Variants in TNRC6A observed in about 807,000 individuals in gnomAD.
The protein encoded by TNRC6A is trinucleotide repeat containing adaptor 6A.
Under a neutral mutation model 221.2 loss-of-function variants are expected in TNRC6A, and 44 were observed. That is an observed-to-expected ratio of 0.20 (90% CI 0.16 to 0.26). The LOEUF is 0.26. Among genes scored for constraint, TNRC6A ranks in the 10% least tolerant of loss-of-function variants. The probability of loss-of-function intolerance (pLI) is 1.00; values close to 1 mark genes in which losing one functional copy is unlikely to be tolerated. For missense variants in TNRC6A, 2,199 were observed against 2,404.4 expected, an observed-to-expected ratio of 0.91 and a Z score of 1.79; for synonymous variants, 847 against 838.5, an observed-to-expected ratio of 1.01 and a Z score of -0.18.
intron 2 of TNRC6A, among the ~76,000 whole-genome samples, chr16:24,698,063 C>A (rs2055897777): frequency 6.6e-6 from 1 of 151,122 alleles, no homozygotes; most frequent in African/African-American, 2.4e-5. Flanking sequence ...CACTGTAGCT[C>A]ATGCCTATAA....
chr16:24,679,407 G>A (rs1040055816), intron 2 of TNRC6A, among the ~76,000 whole-genome samples: 19 of 152,138 alleles, frequency 1.2e-4, no homozygotes, highest in Middle Eastern at 3.4e-3. Context: ...GGGCTCAAGC[G>A]ATCTTCCCAC....
chr16:24,624,053 C>T (rs755235515), intron 1 of TNRC6A, among the ~76,000 whole-genome samples: 2 of 152,048 alleles, frequency 1.3e-5, no homozygotes, highest in Non-Finnish European at 2.9e-5. Flanking sequence ...AGGTCACATA[C>T]GCGGCTCTGC....
chr16:24,819,708 CCTTT>C, intron 21 of TNRC6A: 48 of 214,494 alleles, frequency 2.2e-4, no homozygotes, highest in South Asian at 7.3e-4. Context: ...GTGAAGATCT[CCTTT>C]GGCAGCTCCT....
At chr16:24,671,558 C>T (rs1462580860) in intron 2 of TNRC6A, among the ~76,000 whole-genome samples, 2 of 152,182 alleles carry the variant, frequency 1.3e-5, no homozygotes, top group African/African-American at 4.8e-5. Context: ...TCTCGCACTG[C>T]CTGGGGAGTA....
At chr16:24,821,186 G>A (rs1213791053) in intron 22 of TNRC6A, among the ~76,000 whole-genome samples, 1 of 152,148 alleles carries the variant, frequency 6.6e-6, no homozygotes, top group Non-Finnish European at 1.5e-5. Flanking sequence ...TAATTGGTGT[G>A]GTGTGAGTGG....
At chr16:24,713,181 G>T (rs181855832) in intron 2 of TNRC6A, among the ~76,000 whole-genome samples, 1 of 152,088 alleles carries the variant, frequency 6.6e-6, no homozygotes, top group Admixed American at 6.6e-5. Context: ...CACTTTGGGA[G>T]GCCAAGTGGC....
rs1450444311 is a variant in TNRC6A at position 24,681,230 on chromosome 16, TTTTG to T, written n.402+40234_402+40237del. ...ATTTACCATTTTTTAACTTGGTGTT[TTTTG>T]TTTGTTTGTTTGAGACCGAGTCTTG... On this transcript the variant is annotated intron_variant and non_coding_transcript_variant, in intron 2 of 2. Transcript: ENST00000566108. Among the ~76,000 whole-genome samples, 5 of 152,170 alleles carry T rather than the reference TTTTG, an allele frequency of 3.3e-5. 1 individual carries two copies. Among genetic ancestry groups the T allele is most frequent in the South Asian group, 4.1e-4 (2 of 4,826 alleles).
At chr16:24,802,230 A>G (rs1039161959) in intron 11 of TNRC6A, among the ~76,000 whole-genome samples, 2 of 152,140 alleles carry the variant, frequency 1.3e-5, no homozygotes, top group Non-Finnish European at 2.9e-5. Flanking sequence ...AGAATGAGGA[A>G]TAGGGAGATG....
intron 2 of TNRC6A, among the ~76,000 whole-genome samples, chr16:24,654,700 C>CA (rs1038182454): frequency 1.8e-4 from 28 of 151,904 alleles, no homozygotes; most frequent in African/African-American, 5.6e-4. Context: ...GCCTGGGTGA[C>CA]AGAGTGAGAC....
chr16:24,728,847 G>A (rs2056539815), upstream of TNRC6A, among the ~76,000 whole-genome samples: 1 of 152,140 alleles, frequency 6.6e-6, no homozygotes, highest in Non-Finnish European at 1.5e-5. Flanking sequence ...TACTGTGTGA[G>A]CTACGTTGGA....
At chr16:24,708,552 C>A (rs2056143981) in intron 2 of TNRC6A, among the ~76,000 whole-genome samples, 1 of 151,912 alleles carries the variant, frequency 6.6e-6, no homozygotes, top group Admixed American at 6.6e-5. Flanking sequence ...TGGATGAGTT[C>A]TTTAGTGGTG....
chr16:24,648,416 G>A (rs531797618), intron 2 of TNRC6A, among the ~76,000 whole-genome samples: 32 of 151,970 alleles, frequency 2.1e-4, no homozygotes, highest in Admixed American at 7.9e-4. Flanking sequence ...GACTACAGGT[G>A]CCCACCACCA....
chr16:24,732,520 G>T (rs1165426722), intron 2 of TNRC6A, among the ~76,000 whole-genome samples: 1 of 152,222 alleles, frequency 6.6e-6, no homozygotes, highest in African/African-American at 2.4e-5. Flanking sequence ...CCGTTTTACA[G>T]ATGGAGAATT....
chr16:24,769,758 ATTCT>A (rs1303998066), intron 4 of TNRC6A, among the ~76,000 whole-genome samples: 1 of 152,168 alleles, frequency 6.6e-6, no homozygotes, highest in Non-Finnish European at 1.5e-5. Flanking sequence ...CCTCTTGATC[ATTCT>A]TTCTCTTTTC....
At chr16:24,635,166 C>CTTCCTTCCTTCT (rs1901572761) in intron 1 of TNRC6A, among the ~76,000 whole-genome samples, 1 of 136,976 alleles carries the variant, frequency 7.3e-6, no homozygotes, top group African/African-American at 2.7e-5. Flanking sequence ...TCCTTCCTTC[C>CTTCCTTCCTTCT]TTCCTTCCTT....
intron 1 of TNRC6A, among the ~76,000 whole-genome samples, chr16:24,615,520 G>A (rs1900297226): frequency 6.6e-6 from 1 of 152,202 alleles, no homozygotes; most frequent in South Asian, 2.1e-4. Context: ...GATAATGGAG[G>A]CATCCATGCA....
Position 24,789,758 on chromosome 16 carries a change from A to G in TNRC6A, c.1116A>G (p.Val372=), listed in dbSNP as rs2058056800. 4 of 1,614,112 alleles carry G rather than the reference A, an allele frequency of 2.5e-6. No homozygotes were observed. The highest frequency in any genetic ancestry group is 1.7e-5 in the Admixed American group (1 of 60,002). The stretch of plus-strand genomic sequence containing the variant: ...CTAGCAACCATGGTGCCTGGCCAGT[A>G]TTAGAGAACAATGGACTTGCCCTAA... ...NSASNHGAWP[V]LENNGLALKG... The change falls in exon 6 of 25, where the codon GTA becomes GTG. Residue 372 remains valine, a synonymous_variant. Transcript: ENST00000395799.
chr16:24,681,274 C>G (rs917091598), intron 2 of TNRC6A, among the ~76,000 whole-genome samples: 2 of 152,144 alleles, frequency 1.3e-5, no homozygotes, highest in African/African-American at 4.8e-5. Flanking sequence ...GTTGCCCAGG[C>G]TGGAGAGCAG....
In TNRC6A at chr16:24,798,347, G is replaced by A. The variant is rs922772400; in HGVS notation, c.3694+381G>A. Among the ~76,000 whole-genome samples, 13 of 152,304 alleles carry A rather than the reference G, an allele frequency of 8.5e-5. No homozygotes were observed. In the East Asian group the frequency reaches 9.6e-4, roughly 11 times the overall value. On this transcript the variant is annotated intron_variant, in intron 11 of 24. Transcript: ENST00000395799. ...AAAAACAGTTTTGGTGGGGGCAGCC[G>A]TGGTGGTGGTAGTGAAAGATCACCT... is the stretch of plus-strand genomic sequence containing the variant.
Sources: allele counts gnomAD v4.1 joint callset (sites outside exome capture counted in the v4.1 genomes callset), GRCh38; gene constraint gnomAD v4.1.1; transcripts MANE v1.5; gene names NCBI Gene and HGNC (gene_info 2026-07-23, HGNC 2026-07-21).